Variants in HIBADH observed in about 807,000 individuals in gnomAD.
HIBADH encodes the protein 3-hydroxyisobutyrate dehydrogenase, mitochondrial.
A neutral mutation model predicts 36.1 loss-of-function variants in HIBADH; 25 were observed. That is an observed-to-expected ratio of 0.69 (90% CI 0.50 to 0.97). The LOEUF (loss-of-function observed/expected upper bound fraction) is 0.97, where lower values mean the gene tolerates loss of function less well. Ranked by LOEUF, HIBADH falls within the 50% of genes least tolerant of loss-of-function variation. HIBADH has a pLI of 0.00. For synonymous variants in HIBADH, 160 were observed against 149.5 expected, an observed-to-expected ratio of 1.07 and a Z score of -0.51; for missense variants, 421 against 418.0, an observed-to-expected ratio of 1.01 and a Z score of -0.06.
chr7:27,627,305 G>A (rs1484930999), intron 4 of HIBADH, among the ~76,000 whole-genome samples: 1 of 152,124 alleles, frequency 6.6e-6, no homozygotes, highest in Non-Finnish European at 1.5e-5. Context: ...ACAGGAATGC[G>A]GTTTCTTCAT....
chr7:27,612,811 C>T (rs1785345459), intron 4 of HIBADH, among the ~76,000 whole-genome samples: 1 of 149,626 alleles, frequency 6.7e-6, no homozygotes, highest in South Asian at 2.1e-4. Context: ...TGGTGCATGC[C>T]TATAGTCCTA....
chr7:27,641,576 A>T (rs6946305), intron 2 of HIBADH, among the ~76,000 whole-genome samples: 1 of 152,056 alleles, frequency 6.6e-6, no homozygotes, highest in African/African-American at 2.4e-5. Context: ...AATGAAATTC[A>T]TTTTTTCTTT....
chr7:27,652,820 A>G (rs1786221758), intron 1 of HIBADH, among the ~76,000 whole-genome samples: 1 of 152,166 alleles, frequency 6.6e-6, no homozygotes, highest in South Asian at 2.1e-4. Flanking sequence ...AGCTCCTAAT[A>G]TCATTATATT....
chr7:27,566,900 A>C (rs1784555319), intron 4 of HIBADH, among the ~76,000 whole-genome samples: 1 of 152,146 alleles, frequency 6.6e-6, no homozygotes, highest in African/African-American at 2.4e-5. Context: ...TAAAGAATAC[A>C]TTTTGTTTAA....
At chr7:27,561,388 T>A (rs1275356054) in intron 4 of HIBADH, among the ~76,000 whole-genome samples, 1 of 152,164 alleles carries the variant, frequency 6.6e-6, no homozygotes, top group Non-Finnish European at 1.5e-5. Flanking sequence ...AAAAAATAAA[T>A]TCTTTAGAAA....
At chr7:27,640,710 T>G (rs1028946164) in intron 2 of HIBADH, among the ~76,000 whole-genome samples, 2 of 152,220 alleles carry the variant, frequency 1.3e-5, no homozygotes, top group African/African-American at 4.8e-5. Flanking sequence ...CTATTTCATG[T>G]TGCACGAACA....
intron 4 of HIBADH, among the ~76,000 whole-genome samples, chr7:27,568,767 C>A (rs1407641457): frequency 6.6e-6 from 1 of 152,078 alleles, no homozygotes; most frequent in Non-Finnish European, 1.5e-5. Context: ...CAGCACCCAG[C>A]CAACATTTTT....
At chr7:27,578,048 T>C (rs1037715338) in intron 4 of HIBADH, among the ~76,000 whole-genome samples, 3 of 152,194 alleles carry the variant, frequency 2.0e-5, no homozygotes, top group South Asian at 2.1e-4. Flanking sequence ...TTAGCATCCA[T>C]TGTTCATTAG....
At chr7:27,650,963 T>C (rs1786180867) in intron 1 of HIBADH, among the ~76,000 whole-genome samples, 1 of 152,146 alleles carries the variant, frequency 6.6e-6, no homozygotes, top group Admixed American at 6.5e-5. Flanking sequence ...ACAAGCAACG[T>C]ATGGTCCCTG....
intron 4 of HIBADH, among the ~76,000 whole-genome samples, chr7:27,566,260 T>C (rs372042780): frequency 1.8e-4 from 28 of 152,246 alleles, no homozygotes; most frequent in African/African-American, 6.5e-4. Flanking sequence ...AGAAATGTGG[T>C]AGAATTCATC....
At chr7:27,550,453 C>G (rs1055224185) in intron 4 of HIBADH, among the ~76,000 whole-genome samples, 3 of 152,078 alleles carry the variant, frequency 2.0e-5, no homozygotes, top group Non-Finnish European at 4.4e-5. Flanking sequence ...CTCATCTAAC[C>G]CTTGCAACAA....
At chr7:27,541,620 T>G (rs976665240) in intron 5 of HIBADH, 4 of 319,730 alleles carry the variant, frequency 1.3e-5, no homozygotes, top group Non-Finnish European at 2.4e-5. Flanking sequence ...CAGACCTCAA[T>G]CCATGGTATG....
intron 4 of HIBADH, among the ~76,000 whole-genome samples, chr7:27,628,528 A>G (rs71555704): frequency 0.14 from 21,463 of 152,072 alleles, 1,777 homozygotes; most frequent in Middle Eastern, 0.19. Flanking sequence ...TAATCCTGCC[A>G]TTCCAAACTA....
At chr7:27,649,132 A>G (rs1786129757) in intron 2 of HIBADH, 3 of 171,106 alleles carry the variant, frequency 1.8e-5, no homozygotes, top group Non-Finnish European at 3.7e-5. Context: ...TGTGCTTTTA[A>G]TAACACAGGA....
At chr7:27,538,654 T>G (rs1341072975) in intron 5 of HIBADH, among the ~76,000 whole-genome samples, 1 of 152,088 alleles carries the variant, frequency 6.6e-6, no homozygotes, top group African/African-American at 2.4e-5. Flanking sequence ...ATGTGAAAAT[T>G]TATTTTCCAC....
At chr7:27,620,054 C>T (rs987045454) in intron 4 of HIBADH, among the ~76,000 whole-genome samples, 1 of 152,204 alleles carries the variant, frequency 6.6e-6, no homozygotes, top group African/African-American at 2.4e-5. Flanking sequence ...GATATGGTAG[C>T]TCACTCCTGT....
At chr7:27,604,863 T>C (rs1785191995) in intron 4 of HIBADH, among the ~76,000 whole-genome samples, 1 of 152,074 alleles carries the variant, frequency 6.6e-6, no homozygotes, top group Non-Finnish European at 1.5e-5. Flanking sequence ...AGGTCAAACA[T>C]TTACTTTGAA....
chr7:27,638,846 A>C (rs538371767), intron 2 of HIBADH, among the ~76,000 whole-genome samples: 19 of 152,354 alleles, frequency 1.2e-4, no homozygotes, highest in African/African-American at 3.8e-4. Flanking sequence ...AAAATGCTGA[A>C]CATCACTAAT....
chr7:27,562,805 G>A (rs552060256), intron 4 of HIBADH, among the ~76,000 whole-genome samples: 1 of 152,172 alleles, frequency 6.6e-6, no homozygotes, highest in East Asian at 1.9e-4. Context: ...GATCCTTTAG[G>A]ATCAAAGGAT....
Sources: allele counts gnomAD v4.1 joint callset (sites outside exome capture counted in the v4.1 genomes callset), GRCh38; gene constraint gnomAD v4.1.1; transcripts MANE v1.5; gene names NCBI Gene and HGNC (gene_info 2026-07-23, HGNC 2026-07-21).